Variants in STPG2 observed in about 807,000 individuals in gnomAD.
The protein encoded by STPG2 is sperm-tail PG-rich repeat-containing protein 2.
Under a neutral mutation model 54.2 loss-of-function variants are expected in STPG2, and 56 were observed. The ratio of observed to expected loss-of-function variants is 1.03; its 90% CI spans 0.83 to 1.29. The LOEUF (loss-of-function observed/expected upper bound fraction) is 1.29. STPG2 is among the 50% of genes most tolerant of loss of function. The pLI is 0.00. For missense variants in STPG2, 596 were observed against 544.9 expected (o/e 1.09, Z -0.93); for synonymous variants, 200 against 181.8 (o/e 1.10, Z -0.81).
intron 9 of STPG2, among the ~76,000 whole-genome samples, chr4:97,793,051 C>A (rs1165539664): frequency 6.6e-6 from 1 of 151,800 alleles, no homozygotes; most frequent in South Asian, 2.1e-4. Flanking sequence ...CTGCTTGGGA[C>A]GCTGAGGCAG....
intron 4 of STPG2, among the ~76,000 whole-genome samples, chr4:97,461,255 T>TTCTC (rs1301603913): frequency 2.0e-5 from 3 of 151,252 alleles, no homozygotes; most frequent in Admixed American, 6.6e-5. Flanking sequence ...CTCTTTCTCT[T>TTCTC]TATCTCTCTC....
At chr4:98,061,056 A>T (rs1422718005) in intron 5 of STPG2, among the ~76,000 whole-genome samples, 1 of 152,234 alleles carries the variant, frequency 6.6e-6, no homozygotes, top group African/African-American at 2.4e-5. Flanking sequence ...ATAAAAGCAA[A>T]AATTGACAAG....
intron 9 of STPG2, among the ~76,000 whole-genome samples, chr4:97,739,704 A>G (rs370767384): frequency 6.6e-6 from 1 of 152,354 alleles, no homozygotes; most frequent in East Asian, 1.9e-4. Flanking sequence ...ACAGGCTCTG[A>G]AATTGTGGCA....
intron 5 of STPG2, among the ~76,000 whole-genome samples, chr4:98,008,033 G>C (rs1295579847): frequency 6.6e-6 from 1 of 151,982 alleles, no homozygotes; most frequent in Non-Finnish European, 1.5e-5. Flanking sequence ...TCTATTTAAA[G>C]AAATAATTGA....
chr4:97,722,005 A>G (rs1042221833), intron 9 of STPG2, among the ~76,000 whole-genome samples: 1 of 151,898 alleles, frequency 6.6e-6, no homozygotes, highest in Non-Finnish European at 1.5e-5. Flanking sequence ...AAAATTTTTT[A>G]TTAAGAAAAT....
chr4:98,086,981 CGTT>C (rs932007719), intron 5 of STPG2, among the ~76,000 whole-genome samples: 2 of 152,112 alleles, frequency 1.3e-5, no homozygotes, highest in Non-Finnish European at 2.9e-5. Context: ...AGAATAGTAT[CGTT>C]GTCAACAGCA....
At chr4:98,073,491 C>T (rs749308015) in intron 5 of STPG2, among the ~76,000 whole-genome samples, 9 of 152,066 alleles carry the variant, frequency 5.9e-5, no homozygotes, top group Non-Finnish European at 1.2e-4. Flanking sequence ...TTTGGGAAGC[C>T]GAGGCAGGTG....
chr4:98,134,328 A>T lies in STPG2; in HGVS notation c.222+19T>A. ...AAAACATGGTTTTATTAAGTCAATT[A>T]TAGTAACTATAAAGTTACCTGTGCT... On this transcript the variant is annotated intron_variant, in intron 2 of 10. Transcript: ENST00000295268. The T allele has an allele frequency of 7.1e-7, 1 of 1,412,930 alleles. No homozygotes were observed. Among genetic ancestry groups the T allele is most frequent in the Non-Finnish European group, 9.5e-7 (1 of 1,048,184 alleles). The allele number at this position is 1,412,930 out of a possible 1,614,324, so 87.5% of individuals were successfully genotyped here. A position where few individuals can be genotyped will look rare whatever the true frequency, so the allele number is the denominator to read the frequency against.
intron 9 of STPG2, among the ~76,000 whole-genome samples, chr4:97,829,578 A>C: frequency 6.6e-6 from 1 of 152,294 alleles, no homozygotes; most frequent in Admixed American, 6.5e-5. Flanking sequence ...AACTCCTCTG[A>C]GCTAAAGGAG....
At chr4:97,690,823 T>C (rs980929348) in intron 10 of STPG2, among the ~76,000 whole-genome samples, 2 of 152,218 alleles carry the variant, frequency 1.3e-5, no homozygotes, top group Admixed American at 1.3e-4. Context: ...CTTGGGACTC[T>C]GAAAAACTGT....
chr4:97,484,064 A>C (rs1178155937), intron 4 of STPG2, among the ~76,000 whole-genome samples: 1 of 151,748 alleles, frequency 6.6e-6, no homozygotes, highest in African/African-American at 2.4e-5. Flanking sequence ...CCTCTGGGAT[A>C]CAGCAAAGGT....
intron 4 of STPG2, among the ~76,000 whole-genome samples, chr4:97,514,615 T>G (rs10017200): frequency 0.19 from 28,415 of 152,090 alleles, 3,069 homozygotes; most frequent in Middle Eastern, 0.29. Flanking sequence ...CATTTACATA[T>G]ATCCTTATAT....
intron 5 of STPG2, among the ~76,000 whole-genome samples, chr4:97,994,256 T>C (rs899012041): frequency 5.3e-5 from 8 of 152,212 alleles, no homozygotes; most frequent in Non-Finnish European, 1.0e-4. Context: ...TTATTTAATT[T>C]CCATGTATTT....
At chr4:97,824,232 T>C (rs1172481500) in intron 9 of STPG2, among the ~76,000 whole-genome samples, 2 of 152,106 alleles carry the variant, frequency 1.3e-5, no homozygotes, top group African/African-American at 4.8e-5. Context: ...TTCTCTGGCC[T>C]CCCTGAGCTC....
intron 10 of STPG2, among the ~76,000 whole-genome samples, chr4:97,677,606 A>C (rs1019279152): frequency 1.3e-5 from 2 of 152,208 alleles, no homozygotes; most frequent in Non-Finnish European, 2.9e-5. Context: ...TTACAAAAAT[A>C]ATTTTTATGG....
rs531550300 is a variant in STPG2, at chr4:97,767,413, T to C, written c.1205-54599A>G. Among the ~76,000 whole-genome samples the C allele has an allele frequency of 1.3e-3, 200 of 152,240 alleles. 1 individual carries two copies. Among genetic ancestry groups the C allele is most frequent in the Non-Finnish European group, 1.9e-3 (129 of 67,984 alleles). ...ATGGATTTCACTTGATAGGAAACAA[T>C]AATACAGAGAGTCTGAATCTCTCTG... is the stretch of plus-strand genomic sequence containing the variant. On this transcript the variant is annotated intron_variant, in intron 9 of 10. Transcript: ENST00000295268.
intron 9 of STPG2, among the ~76,000 whole-genome samples, chr4:97,735,215 T>C (rs984625309): frequency 1.3e-5 from 2 of 151,932 alleles, no homozygotes; most frequent in Non-Finnish European, 2.9e-5. Context: ...TGCAGGGTTA[T>C]ATATATAGAT....
chr4:97,835,699 G>A (rs188645907), intron 9 of STPG2, among the ~76,000 whole-genome samples: 329 of 152,126 alleles, frequency 2.2e-3, no homozygotes, highest in Middle Eastern at 0.017. Context: ...CTGGGATCTG[G>A]GCAAAGTAAA....
intron 5 of STPG2, among the ~76,000 whole-genome samples, chr4:97,984,954 A>T (rs1734786561): frequency 6.6e-6 from 1 of 152,202 alleles, no homozygotes; most frequent in Admixed American, 6.5e-5. Context: ...CCTTGTAGAT[A>T]ACTAACATCA....
Sources: gnomAD v4.1 joint callset for allele counts (sites outside exome capture counted in the v4.1 genomes callset) on GRCh38, gnomAD v4.1.1 for gene constraint, MANE v1.5 for transcripts, NCBI Gene and HGNC (gene_info 2026-07-23, HGNC 2026-07-21) for gene names.